BCAR3: variants seen among roughly 807,000 people sequenced by gnomAD.
The protein encoded by BCAR3 is breast cancer anti-estrogen resistance protein 3.
Under a neutral mutation model 80.1 loss-of-function variants are expected in BCAR3, and 37 were observed. The ratio of observed to expected loss-of-function variants is 0.46; its 90% confidence interval spans 0.36 to 0.61. The LOEUF is 0.61. BCAR3 is among the 20% of genes least tolerant of loss of function. BCAR3 has a pLI of 0.00. For synonymous variants in BCAR3, 389 were observed against 418.9 expected, an observed-to-expected ratio of 0.93 and a Z score of 0.87; for missense variants, 978 against 1,068.2, an observed-to-expected ratio of 0.92 and a Z score of 1.18.
chr1:93,705,756 G>C (rs1649809513), intron 3 of BCAR3, among the ~76,000 whole-genome samples: 1 of 152,202 alleles, frequency 6.6e-6, no homozygotes, highest in Non-Finnish European at 1.5e-5. Flanking sequence ...TCATAGCACT[G>C]TTGTGAGAAT....
chr1:93,737,283 A>G (rs1032172091), intron 2 of BCAR3, among the ~76,000 whole-genome samples: 1 of 152,228 alleles, frequency 6.6e-6, no homozygotes, highest in African/African-American at 2.4e-5. Context: ...GAACCTCAGA[A>G]TGTGATCCTA....
intron 2 of BCAR3, among the ~76,000 whole-genome samples, chr1:93,662,079 C>A (rs1434495770): frequency 6.6e-6 from 1 of 152,182 alleles, no homozygotes; most frequent in Non-Finnish European, 1.5e-5. Flanking sequence ...TGCTTCAAAG[C>A]AGGAGAGGTC....
intron 2 of BCAR3, among the ~76,000 whole-genome samples, chr1:93,757,425 A>C (rs1299351864): frequency 6.6e-6 from 1 of 152,168 alleles, no homozygotes; most frequent in Non-Finnish European, 1.5e-5. Flanking sequence ...ACCAATTCCG[A>C]GGCCAACTTT....
chr1:93,832,322 A>C (rs1439897433), intron 2 of BCAR3, among the ~76,000 whole-genome samples: 2 of 152,160 alleles, frequency 1.3e-5, no homozygotes, highest in Non-Finnish European at 2.9e-5. Flanking sequence ...TGCCTACCCC[A>C]GGATCTTGCT....
At chr1:93,810,086 G>A (rs1299659513) in intron 2 of BCAR3, among the ~76,000 whole-genome samples, 13 of 151,388 alleles carry the variant, frequency 8.6e-5, no homozygotes, top group African/African-American at 2.2e-4. Flanking sequence ...CCAGCTACTC[G>A]GGAGGCTGAG....
intron 2 of BCAR3, among the ~76,000 whole-genome samples, chr1:93,673,286 G>A (rs2101945207): frequency 6.6e-6 from 1 of 152,312 alleles, no homozygotes; most frequent in Admixed American, 6.5e-5. Context: ...CTGCTACCCT[G>A]TTAGTCCACA....
chr1:93,749,986 A>G (rs913965195), intron 2 of BCAR3, among the ~76,000 whole-genome samples: 2 of 151,912 alleles, frequency 1.3e-5, no homozygotes, highest in African/African-American at 4.8e-5. Flanking sequence ...ATGAGGCACC[A>G]GAATTGGTCT....
chr1:93,596,812 C>G (rs1674435203), intron 3 of BCAR3, among the ~76,000 whole-genome samples: 2 of 152,104 alleles, frequency 1.3e-5, no homozygotes, highest in Non-Finnish European at 2.9e-5. Flanking sequence ...GAGGTGGCAG[C>G]AGAGGAGGAG....
chr1:93,719,122 A>G (rs1650293875), intron 2 of BCAR3, among the ~76,000 whole-genome samples: 1 of 151,892 alleles, frequency 6.6e-6, no homozygotes, highest in South Asian at 2.1e-4. Flanking sequence ...CGCCTGTAAA[A>G]TCGTTTCTGG....
At chr1:93,620,191 T>TA (rs1675266508) in intron 3 of BCAR3, among the ~76,000 whole-genome samples, 1 of 152,226 alleles carries the variant, frequency 6.6e-6, no homozygotes, top group South Asian at 2.1e-4. Context: ...CATGAGCCAC[T>TA]GACCACTGGC....
At position 93,637,272 on chromosome 1, in the gene BCAR3, C is replaced by T. The variant is rs189860181; in HGVS notation, c.357+5032G>A. ...GCAACCTCCGCCCCCCAGGTTCAAG[C>T]GATTCTCCTGCTCCAGCCTCCTGAG... On this transcript the variant is annotated intron_variant, in intron 3 of 11. Transcript: ENST00000260502. Among the ~76,000 whole-genome samples, 194 of 152,036 alleles carry T rather than the reference C, an allele frequency of 1.3e-3. 1 individual carries two copies. The highest frequency in any genetic ancestry group is 5.0e-4 in the Non-Finnish European group (34 of 67,974).
intron 2 of BCAR3, among the ~76,000 whole-genome samples, chr1:93,662,797 C>G (rs1228547718): frequency 6.6e-6 from 1 of 152,184 alleles, no homozygotes; most frequent in Non-Finnish European, 1.5e-5. Flanking sequence ...CTTCCTTTAT[C>G]AAGTATTCAA....
intron 3 of BCAR3, among the ~76,000 whole-genome samples, chr1:93,630,645 A>G (rs149979459): frequency 6.8e-4 from 104 of 152,284 alleles, no homozygotes; most frequent in Non-Finnish European, 1.4e-3. Flanking sequence ...AAAAAAATAA[A>G]ATAAATAAAA....
At chr1:93,768,269 TTGTGTG>T (rs112490025) in intron 2 of BCAR3, among the ~76,000 whole-genome samples, 8 of 126,736 alleles carry the variant, frequency 6.3e-5, no homozygotes, top group African/African-American at 2.2e-4. Context: ...GTGTGTGTGT[TTGTGTG>T]TGTGTGTGTG....
chr1:93,583,272 G>A (rs1050066925), intron 6 of BCAR3, among the ~76,000 whole-genome samples: 3 of 152,104 alleles, frequency 2.0e-5, no homozygotes, highest in Admixed American at 6.5e-5. Flanking sequence ...ATATATGAGC[G>A]AGGAGGGCAT....
chr1:93,845,482 A>C (rs1165637282), intron 2 of BCAR3: 92 of 4,482 alleles, frequency 0.021, 6 homozygotes, highest in Admixed American at 0.058. Flanking sequence ...ATATATATAT[A>C]TATATATATA....
At chr1:93,625,962 A>G (rs1675445062) in intron 3 of BCAR3, among the ~76,000 whole-genome samples, 1 of 152,202 alleles carries the variant, frequency 6.6e-6, no homozygotes, top group Non-Finnish European at 1.5e-5. Flanking sequence ...CAGGCAGAGC[A>G]CCTTGCCATA....
chr1:93,718,949 G>A lies in BCAR3; in HGVS notation c.-62-12807C>T, dbSNP rs186531732. Among the ~76,000 whole-genome samples the A allele has an allele frequency of 1.6e-3, 238 of 151,290 alleles. 1 individual carries two copies. The highest frequency in any genetic ancestry group is 5.4e-3 in the African/African-American group (223 of 41,218). On this transcript the variant is annotated intron_variant, in intron 2 of 13. Transcript: ENST00000370244. Reference sequence around the variant, plus strand: ...ACTACTGAACTCAAGCAATCCGCCCGCCTCGGCCTCCCAAAGTGTTAGGAT... The same window carrying A: ...ACTACTGAACTCAAGCAATCCGCCCACCTCGGCCTCCCAAAGTGTTAGGAT...
intron 3 of BCAR3, among the ~76,000 whole-genome samples, chr1:93,633,971 G>A (rs1675701430): frequency 6.6e-6 from 1 of 152,170 alleles, no homozygotes; most frequent in African/African-American, 2.4e-5. Flanking sequence ...TTTGCATTCA[G>A]CAAAAGTCAC....
Sources: allele counts gnomAD v4.1 joint callset (sites outside exome capture counted in the v4.1 genomes callset), GRCh38; gene constraint gnomAD v4.1.1; transcripts MANE v1.5; gene names NCBI Gene and HGNC (gene_info 2026-07-23, HGNC 2026-07-21).